Variants in LUZP2 observed in about 807,000 individuals in gnomAD.
The protein encoded by LUZP2 is leucine zipper protein 2.
LUZP2 carries 52 observed loss-of-function variants against 51.6 expected under a neutral mutation model. The observed-to-expected ratio is 1.01, with a 90% confidence interval of 0.81 to 1.27. The LOEUF (loss-of-function observed/expected upper bound fraction) is 1.27. Among genes scored for constraint, LUZP2 ranks in the 50% most tolerant of loss-of-function variants. The pLI, the probability that LUZP2 is intolerant of heterozygous loss-of-function variation, is 0.00. For missense variants in LUZP2, 436 were observed against 395.4 expected, an observed-to-expected ratio of 1.10 and a Z score of -0.87; for synonymous variants, 154 against 137.3, an observed-to-expected ratio of 1.12 and a Z score of -0.85.
intron 4 of LUZP2, among the ~76,000 whole-genome samples, chr11:24,755,874 C>T (rs946070674): frequency 6.6e-6 from 1 of 152,116 alleles, no homozygotes; most frequent in African/African-American, 2.4e-5. Context: ...TTTGAAATGG[C>T]TCTTTTTATC....
intron 9 of LUZP2, among the ~76,000 whole-genome samples, chr11:25,004,067 G>C (rs947896573): frequency 6.6e-6 from 1 of 152,102 alleles, no homozygotes; most frequent in Non-Finnish European, 1.5e-5. Context: ...GAATTTCCTG[G>C]CCCTCAATGG....
intron 6 of LUZP2, among the ~76,000 whole-genome samples, chr11:24,910,111 C>T (rs1027197152): frequency 2.0e-5 from 3 of 152,042 alleles, no homozygotes; most frequent in Non-Finnish European, 2.9e-5. Context: ...CATTTTGCCC[C>T]TGCCCTAGAG....
intron 1 of LUZP2, among the ~76,000 whole-genome samples, chr11:24,713,696 T>G (rs1358076846): frequency 7.0e-6 from 1 of 143,744 alleles, no homozygotes; most frequent in Admixed American, 7.0e-5. Context: ...TTTTTTTTTT[T>G]TTTTTTTTCT....
chr11:25,012,356 A>G (rs989869574), intron 9 of LUZP2, among the ~76,000 whole-genome samples: 1 of 152,132 alleles, frequency 6.6e-6, no homozygotes, highest in African/African-American at 2.4e-5. Context: ...CAAACTCCCC[A>G]CACTGTTTCC....
chr11:24,690,793 A>G (rs1857040107), intron 1 of LUZP2, among the ~76,000 whole-genome samples: 1 of 152,074 alleles, frequency 6.6e-6, no homozygotes, highest in African/African-American at 2.4e-5. Context: ...AGGCTAGTAG[A>G]CTAAACAGGA....
chr11:25,057,522 A>T (rs989735008), intron 10 of LUZP2, among the ~76,000 whole-genome samples: 1 of 152,094 alleles, frequency 6.6e-6, no homozygotes, highest in Non-Finnish European at 1.5e-5. Flanking sequence ...GGATGTGTCT[A>T]CTCCATCCCA....
intron 9 of LUZP2, among the ~76,000 whole-genome samples, chr11:25,011,592 C>A (rs1444735089): frequency 6.6e-6 from 1 of 152,038 alleles, no homozygotes; most frequent in Non-Finnish European, 1.5e-5. Flanking sequence ...TATATTAAAA[C>A]AAGACATAAA....
At chr11:24,766,985 C>T (rs1184506210) in intron 5 of LUZP2, among the ~76,000 whole-genome samples, 2 of 152,128 alleles carry the variant, frequency 1.3e-5, no homozygotes, top group Non-Finnish European at 2.9e-5. Context: ...TGGTCTGTAA[C>T]TCCTGACCTC....
intron 1 of LUZP2, among the ~76,000 whole-genome samples, chr11:24,664,777 G>A (rs1006274351): frequency 3.3e-5 from 5 of 152,168 alleles, no homozygotes; most frequent in Non-Finnish European, 7.4e-5. Context: ...GTACAAAATT[G>A]AGGTTTGGGA....
At chr11:24,660,879 A>G (rs7929643) in intron 1 of LUZP2, among the ~76,000 whole-genome samples, 42,741 of 152,090 alleles carry the variant, frequency 0.28, 6,678 homozygotes, top group Admixed American at 0.39. Flanking sequence ...TGCTTATATA[A>G]TGACTTAAAT....
chr11:24,647,636 G>A (rs576100577), intron 1 of LUZP2, among the ~76,000 whole-genome samples: 2 of 151,800 alleles, frequency 1.3e-5, no homozygotes, highest in South Asian at 4.2e-4. Context: ...TTGGGTATAT[G>A]GTTTATACTC....
chr11:24,697,462 A>G (rs1472861752), intron 1 of LUZP2, among the ~76,000 whole-genome samples: 7 of 152,218 alleles, frequency 4.6e-5, no homozygotes, highest in Non-Finnish European at 1.0e-4. Context: ...AGTGTAAAAA[A>G]TCTGACACAG....
intron 10 of LUZP2, among the ~76,000 whole-genome samples, chr11:25,055,079 C>T (rs933506947): frequency 1.4e-5 from 2 of 146,804 alleles, no homozygotes; most frequent in African/African-American, 5.1e-5. Context: ...GGCGCGATCT[C>T]GGCTCACTGC....
At chr11:24,521,556 A>G (rs1313259532) in intron 1 of LUZP2, among the ~76,000 whole-genome samples, 3 of 152,172 alleles carry the variant, frequency 2.0e-5, no homozygotes, top group Admixed American at 6.5e-5. Context: ...GTAGACTTAC[A>G]GTATACCTAC....
intron 5 of LUZP2, among the ~76,000 whole-genome samples, chr11:24,860,902 C>T (rs1851721362): frequency 6.6e-6 from 1 of 152,144 alleles, no homozygotes; most frequent in African/African-American, 2.4e-5. Context: ...GCCTTTTCTC[C>T]TCCAAATGAT....
intron 1 of LUZP2, among the ~76,000 whole-genome samples, chr11:24,634,424 A>T (rs1462894588): frequency 5.3e-5 from 8 of 151,950 alleles, no homozygotes; most frequent in Non-Finnish European, 7.4e-5. Context: ...ATTTTCATTG[A>T]GGTAGTGGCT....
At chr11:24,904,304 A>G (rs1030487760) in intron 5 of LUZP2, among the ~76,000 whole-genome samples, 2 of 151,650 alleles carry the variant, frequency 1.3e-5, no homozygotes, top group African/African-American at 2.4e-5. Flanking sequence ...TTTTTTTCAG[A>G]CAGAGTCTTG....
intron 1 of LUZP2, among the ~76,000 whole-genome samples, chr11:24,535,155 T>C (rs1851138569): frequency 6.7e-6 from 1 of 150,102 alleles, no homozygotes; most frequent in Admixed American, 6.7e-5. Flanking sequence ...AAAAAGGTAG[T>C]AGTGATCATC....
intron 4 of LUZP2, among the ~76,000 whole-genome samples, chr11:24,749,947 T>C (rs79468239): frequency 7.0e-4 from 107 of 152,272 alleles, no homozygotes; most frequent in African/African-American, 2.5e-3. Context: ...CTTCGCCTTG[T>C]GATCCTGTAA....
Sources: gnomAD v4.1 joint callset for allele counts (sites outside exome capture counted in the v4.1 genomes callset) on GRCh38, gnomAD v4.1.1 for gene constraint, MANE v1.5 for transcripts, NCBI Gene and HGNC (gene_info 2026-07-23, HGNC 2026-07-21) for gene names.